Variants in CASP6 observed in about 807,000 individuals in gnomAD.
The protein encoded by CASP6 is caspase-6.
In CASP6, 20 loss-of-function variants were observed where a neutral mutation model predicts 31.8. The observed-to-expected ratio is 0.63, with a 90% confidence interval of 0.44 to 0.91. The LOEUF is 0.91. Ranked by LOEUF, CASP6 falls within the 40% of genes least tolerant of loss-of-function variation. The pLI is 0.00. For missense variants in CASP6, 328 were observed against 361.1 expected (o/e 0.91, Z 0.74); for synonymous variants, 130 against 127.8 (o/e 1.02, Z -0.12).
Position 109,690,962 on chromosome 4 carries a change from T to C in CASP6, c.531A>G (p.Val177=). The C allele has an allele frequency of 6.2e-7, 1 of 1,613,868 alleles. No individual in the cohort carries two copies. The highest frequency in any genetic ancestry group is 1.1e-5 in the South Asian group (1 of 90,998). The part of the protein sequence containing the change: ...QHDVPVIPLD[V]VDNQTEKLDT... ...CCAACTTCTCTGTCTGATTATCTACTACATCCAAAGGAATGACTGGCACAT... is the reference window on the plus strand; with the variant it reads ...CCAACTTCTCTGTCTGATTATCTACCACATCCAAAGGAATGACTGGCACAT... The change falls in exon 6 of 7, where the codon GTA becomes GTG. Residue 177 remains valine, a synonymous_variant. Transcript: ENST00000265164.
At chr4:109,699,991 C>T (rs1730367422) in intron 1 of CASP6, among the ~76,000 whole-genome samples, 1 of 152,206 alleles carries the variant, frequency 6.6e-6, no homozygotes, top group African/African-American at 2.4e-5. Context: ...ACTTGGAAAG[C>T]ACTCATGTCT....
At chr4:109,681,778 T>A in the CASP6 span, among the ~76,000 whole-genome samples, 1 of 152,168 alleles carries the variant, frequency 6.6e-6, no homozygotes, top group Non-Finnish European at 1.5e-5. Flanking sequence ...AGAATGTAAG[T>A]CAGCAGCGAG....
upstream of CASP6, chr4:109,703,477 T>G: frequency 2.0e-6 from 3 of 1,524,754 alleles, no homozygotes; most frequent in South Asian, 1.2e-5. Flanking sequence ...CCCTCGGCCC[T>G]TCCTCGGCGG....
chr4:109,691,150 G>C, intron 5 of CASP6, 141 bp from the exon 6 acceptor site: 1 of 805,564 alleles, frequency 1.2e-6, no homozygotes, highest in East Asian at 3.2e-5. Flanking sequence ...AATACATTCA[G>C]GTTTGGAGGG....
intron 6 of CASP6, 121 bp downstream of exon 6, chr4:109,690,729 G>A (rs1730023699): frequency 1.0e-6 from 1 of 972,948 alleles, no homozygotes; most frequent in Non-Finnish European, 1.5e-6. Flanking sequence ...CTAAGTCTGT[G>A]AGCTTCAGGA....
At chr4:109,682,832 C>T in the CASP6 span, 2 of 980,730 alleles carry the variant, frequency 2.0e-6, no homozygotes, top group Non-Finnish European at 3.0e-6. Flanking sequence ...GAATGCTTTC[C>T]ATATGCTAAT....
At chr4:109,696,553 G>A (rs1730245570) in intron 3 of CASP6, 67 bp from the exon 4 acceptor site, 12 of 1,039,770 alleles carry the variant, frequency 1.2e-5, no homozygotes, top group Non-Finnish European at 1.6e-5. Context: ...CCTTACTTTG[G>A]AAGAATCTAT....
chr4:109,703,127 G>A (rs1730478408), intron 1 of CASP6, among the ~76,000 whole-genome samples: 2 of 152,178 alleles, frequency 1.3e-5, no homozygotes, highest in Admixed American at 6.5e-5. Flanking sequence ...GGGACCGCCA[G>A]GAGGCGGCAG....
At chr4:109,674,564 C>A in the CASP6 span, among the ~76,000 whole-genome samples, 1 of 152,204 alleles carries the variant, frequency 6.6e-6, no homozygotes. Flanking sequence ...TGTTAGAACT[C>A]TGTCCAAAAA....
chr4:109,685,378 A>AT (rs1729816964), downstream of CASP6: 1 of 1,125,630 alleles, frequency 8.9e-7, no homozygotes, highest in African/African-American at 1.5e-5. Flanking sequence ...GTATACTACA[A>AT]ATACATCTTA....
the CASP6 span, among the ~76,000 whole-genome samples, chr4:109,672,783 G>C: frequency 3.9e-5 from 6 of 152,218 alleles, no homozygotes; most frequent in South Asian, 2.1e-4. Context: ...ACCATTATCT[G>C]GTACAGTTTG....
At chr4:109,706,032 A>ATATATATATATAT (rs1419095475), upstream of CASP6, among the ~76,000 whole-genome samples, 1 of 93,832 alleles carries the variant, frequency 1.1e-5, no homozygotes, top group African/African-American at 4.9e-5. Flanking sequence ...ATATATATAT[A>ATATATATATATAT]ATATATATAA....
the CASP6 span, among the ~76,000 whole-genome samples, chr4:109,669,698 G>GT: frequency 8.7e-3 from 1,207 of 138,722 alleles, 3 homozygotes; most frequent in African/African-American, 0.016. Flanking sequence ...TTCTGTTCTG[G>GT]TTTTTTTTTT....
intron 1 of CASP6, among the ~76,000 whole-genome samples, chr4:109,699,804 A>G (rs999754328): frequency 6.6e-6 from 1 of 152,248 alleles, no homozygotes; most frequent in Non-Finnish European, 1.5e-5. Flanking sequence ...ACACTGCTCT[A>G]TGAAGACAGC....
At chr4:109,701,642 A>G (rs1250700281) in intron 1 of CASP6, among the ~76,000 whole-genome samples, 2 of 151,992 alleles carry the variant, frequency 1.3e-5, no homozygotes, top group African/African-American at 2.4e-5. Flanking sequence ...CCACCTCCTT[A>G]TTCCTTAAAT....
chr4:109,684,963 A>G, downstream of CASP6: 1 of 387,356 alleles, frequency 2.6e-6, no homozygotes, highest in South Asian at 5.9e-5. Flanking sequence ...GCTTTGCCTC[A>G]TGGTTATTTA....
At chr4:109,671,748 G>A in the CASP6 span, among the ~76,000 whole-genome samples, 774 of 152,218 alleles carry the variant, frequency 5.1e-3, 3 homozygotes, top group African/African-American at 0.018. Context: ...TCTTCAAACT[G>A]TGGTTGTTGT....
intron 5 of CASP6, 46 bp downstream of exon 5, chr4:109,694,478 CA>C (rs1730174115): frequency 6.9e-7 from 1 of 1,452,592 alleles, no homozygotes. Flanking sequence ...ATCACATGTT[CA>C]GAATGACAGA....
chr4:109,668,083 C>T, the CASP6 span, among the ~76,000 whole-genome samples: 1 of 151,810 alleles, frequency 6.6e-6, no homozygotes, highest in African/African-American at 2.4e-5. Context: ...ATGAGATGTT[C>T]CCTGTGAACT....
Sources: allele counts gnomAD v4.1 joint callset (sites outside exome capture counted in the v4.1 genomes callset), GRCh38; gene constraint gnomAD v4.1.1; transcripts MANE v1.5; gene names NCBI Gene and HGNC (gene_info 2026-07-23, HGNC 2026-07-21).